Variants in OGDH observed in about 807,000 individuals in gnomAD.
The protein encoded by OGDH is oxoglutarate dehydrogenase, also known as 2-oxoglutarate dehydrogenase complex component E1.
In OGDH, 38 loss-of-function variants were observed where a neutral mutation model predicts 116.6. The ratio of observed to expected loss-of-function variants is 0.33; its 90% CI spans 0.25 to 0.43. The LOEUF is 0.43. Among genes scored for constraint, OGDH ranks in the 20% least tolerant of loss-of-function variants. The probability of loss-of-function intolerance (pLI) is 1.00; values close to 1 mark genes in which losing one functional copy is unlikely to be tolerated. For missense variants in OGDH, 825 were observed against 1,357.2 expected (o/e 0.61, Z 6.16); for synonymous variants, 488 against 533.3 (o/e 0.92, Z 1.17).
In OGDH at chr7:44,700,148, A is replaced by G. The variant is rs760370064; in HGVS notation, c.2438A>G (p.Lys813Arg). 1 of 1,614,096 alleles carries G rather than the reference A, an allele frequency of 6.2e-7. No individual in the cohort carries two copies. Among genetic ancestry groups the G allele is most frequent in the South Asian group, 1.1e-5 (1 of 91,072 alleles). Residue 813 changes from lysine to arginine, a missense_variant, in exon 19 of 23, where the codon AAA (lysine) becomes AGA (arginine). This residue lies in a region of OGDH where 212 missense variants were observed against 284.3 expected (regional missense o/e 0.75). Coordinates refer to ENST00000222673, the MANE Select transcript of OGDH (RefSeq NM_002541.4). ...NDDPDVLPDL[K>R]EANFDINQLY... The stretch of plus-strand genomic sequence containing the variant: ...TTTCCTTCCCTGCTGCAGGACCTTA[A>G]AGAAGCCAACTTCGACATCAATCAG...
intron 2 of OGDH, among the ~76,000 whole-genome samples, chr7:44,644,178 G>C (rs909413923): frequency 1.3e-5 from 2 of 152,134 alleles, no homozygotes; most frequent in Non-Finnish European, 2.9e-5. Flanking sequence ...ACACTGCCTG[G>C]GCAACAGAGC....
At chr7:44,673,988 A>G (rs1384537128) in intron 6 of OGDH, 47 bp downstream of exon 6, 1 of 1,610,588 alleles carries the variant, frequency 6.2e-7, no homozygotes, top group East Asian at 2.2e-5. Context: ...CCAGGGAAGC[A>G]GTGACCCTGT....
At chr7:44,682,244 C>T (rs1787957278) in intron 10 of OGDH, among the ~76,000 whole-genome samples, 1 of 151,832 alleles carries the variant, frequency 6.6e-6, no homozygotes, top group South Asian at 2.1e-4. Flanking sequence ...ACAAAATTAG[C>T]CATGGGATCA....
Position 44,626,982 on chromosome 7 carries a change from T to C in OGDH, c.222+2417T>C, listed in dbSNP as rs147700197. Among the ~76,000 whole-genome samples the C allele has an allele frequency of 2.6e-4, 39 of 152,198 alleles. 1 individual carries two copies. The East Asian group carries it at 7.5e-3, about 29-fold the overall frequency. The stretch of plus-strand genomic sequence containing the variant: ...CAGTATGTGGTGTGTGCATGTTTTT[T>C]GTTTGTTTGTTTTTTTGTTTTGTTT... On this transcript the variant is annotated intron_variant, in intron 2 of 22. Transcript: ENST00000222673.
Position 44,707,721 on chromosome 7 carries a change from G to A in OGDH, c.2936G>A (p.Arg979His). 5 of 1,614,144 alleles carry A rather than the reference G, an allele frequency of 3.1e-6. No individual in the cohort carries two copies. The highest frequency in any genetic ancestry group is 2.5e-6 in the Non-Finnish European group (3 of 1,180,038). ...VKPRLRTTIS[R>H]AKPVWYAGRD... is the part of the protein sequence containing the mutation. The stretch of plus-strand genomic sequence containing the variant: ...CCAAGACTTCGGACCACCATCAGCC[G>A]CGCCAAGCCCGTCTGGTAAGGCTTC... The change falls in exon 22 of 23, where the codon CGC becomes CAC. Residue 979 changes from arginine to histidine, a missense_variant. Coordinates refer to ENST00000222673, the MANE Select transcript of OGDH (RefSeq NM_002541.4). This position sits in a 1 kb window ranked among gnomAD's most constrained non-coding sequence, Gnocchi z 5.2.
intron 2 of OGDH, among the ~76,000 whole-genome samples, chr7:44,629,792 C>G (rs1785358583): frequency 6.6e-6 from 1 of 152,108 alleles, no homozygotes; most frequent in African/African-American, 2.4e-5. Flanking sequence ...GTTGGCCAGG[C>G]TGGTCTTGAA....
At chr7:44,661,329 G>A (rs1392515896) in intron 4 of OGDH, among the ~76,000 whole-genome samples, 1 of 151,846 alleles carries the variant, frequency 6.6e-6, no homozygotes, top group African/African-American at 2.4e-5. Flanking sequence ...ACTTCAACTT[G>A]TCTATATCAC....
intron 2 of OGDH, among the ~76,000 whole-genome samples, chr7:44,640,133 A>G (rs1362627208): frequency 6.6e-6 from 1 of 152,232 alleles, no homozygotes; most frequent in Non-Finnish European, 1.5e-5. Flanking sequence ...GATCCCAGGC[A>G]TCAGTGGCTG....
In OGDH at chr7:44,697,052, G is replaced by A. The variant is rs1380156561; in HGVS notation, c.2039G>A (p.Arg680Gln). ...HIRLSGQDVERGTFSHRHHVL... is the reference protein window; with the variant it reads ...HIRLSGQDVEQGTFSHRHHVL... ...CGGCTGAGCGGCCAGGACGTGGAGC[G>A]GGGCACATTCAGGTAACGTTCTGGG... The change falls in exon 15 of 23, where the codon CGG becomes CAG. Residue 680 changes from arginine to glutamine, a missense_variant. Around this residue, in one of 7 missense-constraint regions of OGDH, gnomAD observed 73 missense variants for 182.3 expected, o/e 0.40. Transcript: ENST00000222673. The surrounding 1 kb of genome is among the most constrained non-coding windows in gnomAD (Gnocchi z 6.0). 2 of 1,613,766 alleles carry A rather than the reference G, an allele frequency of 1.2e-6. No homozygotes were observed. Among genetic ancestry groups the A allele is most frequent in the Non-Finnish European group, 1.7e-6 (2 of 1,179,772 alleles).
intron 20 of OGDH, among the ~76,000 whole-genome samples, chr7:44,705,783 A>T (rs1031773044): frequency 6.6e-6 from 1 of 152,330 alleles, no homozygotes; most frequent in Non-Finnish European, 1.5e-5. Context: ...ATAGAAACAC[A>T]ACTGGTTTTG....
intron 2 of OGDH, among the ~76,000 whole-genome samples, chr7:44,634,633 T>C (rs1274872469): frequency 6.6e-6 from 1 of 152,216 alleles, no homozygotes; most frequent in East Asian, 1.9e-4. Flanking sequence ...TTTCCTTAAT[T>C]GAAGAATACC....
chr7:44,678,751 C>G (rs1023340152), intron 9 of OGDH, among the ~76,000 whole-genome samples: 1 of 152,212 alleles, frequency 6.6e-6, no homozygotes, highest in African/African-American at 2.4e-5. Context: ...AGCCATCTGC[C>G]TGTTCTTCTT....
Position 44,700,216 on chromosome 7 carries a change from G to A in OGDH, c.2506G>A (p.Gly836Ser), listed in dbSNP as rs1208150107. Residue 836 changes from glycine (G) to serine (S), a missense_variant, in exon 19 of 23, where the codon GGC (glycine) becomes AGC (serine). This residue lies in a region of OGDH where 212 missense variants were observed against 284.3 expected (regional missense o/e 0.75). Coordinates refer to ENST00000222673, the MANE Select transcript of OGDH (RefSeq NM_002541.4). ...NWVVVNCSTP[G>S]NFFHVLRRQI... is the part of the protein sequence containing the mutation. ...GGTTGTTGTCAACTGCTCCACTCCT[G>A]GCAACTTCTTCCACGTGCTACGACG... The A allele has an allele frequency of 6.2e-7, 1 of 1,614,226 alleles. No individual in the cohort carries two copies. The highest frequency in any genetic ancestry group is 8.5e-7 in the Non-Finnish European group (1 of 1,180,038).
At chr7:44,637,841 C>T (rs1006412486) in intron 2 of OGDH, among the ~76,000 whole-genome samples, 1 of 151,736 alleles carries the variant, frequency 6.6e-6, no homozygotes, top group African/African-American at 2.4e-5. Context: ...AAATGGTATT[C>T]ATTTTTTGAC....
At position 44,651,675 on chromosome 7, in the gene OGDH, C is replaced by T. The variant is rs141268121; in HGVS notation, c.517+3916C>T. On this transcript the variant is annotated intron_variant, in intron 4 of 22. Coordinates refer to ENST00000222673, the MANE Select transcript of OGDH (RefSeq NM_002541.4). ...CTCCCGGGTTCAAGTGATTCTCCTGCCTCAACCTCCTGAGTAGCTGGGATT... is the reference window on the plus strand; with the variant it reads ...CTCCCGGGTTCAAGTGATTCTCCTGTCTCAACCTCCTGAGTAGCTGGGATT... 5.8e-3 allele frequency among the ~76,000 whole-genome samples: 879 copies of T among 152,038 alleles called. 10 individuals are homozygous for T. Among genetic ancestry groups the T allele is most frequent in the African/African-American group, 0.019 (803 of 41,472 alleles).
Position 44,693,816 on chromosome 7 carries a change from T to G in OGDH, c.1336-9T>G. On this transcript the variant is annotated splice_polypyrimidine_tract_variant and intron_variant, in intron 10 of 22. Transcript: ENST00000222673. ...GGTGCCCTCTTGCTAGGCTACATGT[T>G]CCTTGCAGATCGGCTTCACCACCGA... The G allele has an allele frequency of 1.3e-6, 2 of 1,574,880 alleles. No individual in the cohort carries two copies. The highest frequency in any genetic ancestry group is 1.7e-6 in the Non-Finnish European group (2 of 1,153,946).
intron 4 of OGDH, among the ~76,000 whole-genome samples, chr7:44,655,705 C>T (rs571476167): frequency 6.6e-6 from 1 of 152,222 alleles, no homozygotes; most frequent in East Asian, 1.9e-4. Context: ...AGTAGAAATC[C>T]GATGAAAAGT....
intron 1 of OGDH, among the ~76,000 whole-genome samples, chr7:44,615,279 G>A (rs184891194): frequency 2.0e-5 from 3 of 152,288 alleles, no homozygotes; most frequent in East Asian, 1.9e-4. Context: ...CTTCCTCACT[G>A]TTGCTGGTGC....
intron 1 of OGDH, among the ~76,000 whole-genome samples, chr7:44,617,554 A>G (rs1184052615): frequency 6.6e-6 from 1 of 152,238 alleles, no homozygotes; most frequent in Non-Finnish European, 1.5e-5. Flanking sequence ...GTGAAAGATA[A>G]TAAATTCTTT....
Sources: allele counts gnomAD v4.1 joint callset (sites outside exome capture counted in the v4.1 genomes callset), GRCh38; gene constraint gnomAD v4.1.1; regional missense constraint gnomAD v4.1.1; non-coding constraint Gnocchi (gnomAD v3.1); transcripts MANE v1.5; gene names NCBI Gene and HGNC (gene_info 2026-07-23, HGNC 2026-07-21).